GTF2F2: variants seen among roughly 807,000 people sequenced by gnomAD.
GTF2F2 encodes the protein ATP-dependent helicase GTF2F2.
Under a neutral mutation model 42.2 loss-of-function variants are expected in GTF2F2, and 23 were observed. That is an observed-to-expected ratio of 0.55 (90% CI 0.39 to 0.77). The LOEUF is 0.77. Among genes scored for constraint, GTF2F2 ranks in the 30% least tolerant of loss-of-function variants. The pLI, the probability that GTF2F2 is intolerant of heterozygous loss-of-function variation, is 0.00. For synonymous variants in GTF2F2, 105 were observed against 100.8 expected, an observed-to-expected ratio of 1.04 and a Z score of -0.25; for missense variants, 261 against 287.2, an observed-to-expected ratio of 0.91 and a Z score of 0.66.
At chr13:45,140,399 A>G (rs1261765676) in intron 2 of GTF2F2, among the ~76,000 whole-genome samples, 1 of 152,114 alleles carries the variant, frequency 6.6e-6, no homozygotes, top group Non-Finnish European at 1.5e-5. Flanking sequence ...CTGGCCTTTT[A>G]TTGGTCAGAA....
intron 2 of GTF2F2, among the ~76,000 whole-genome samples, chr13:45,138,598 C>T (rs542290981): frequency 3.3e-5 from 5 of 152,328 alleles, no homozygotes; most frequent in African/African-American, 1.2e-4. Context: ...TGATTATAAT[C>T]CATTTCAGAG....
chr13:45,213,226 CCGCCACCA>C (rs1178093550), intron 5 of GTF2F2, among the ~76,000 whole-genome samples: 1 of 149,912 alleles, frequency 6.7e-6, no homozygotes, highest in East Asian at 2.0e-4. Context: ...TTACAGGCAC[CCGCCACCA>C]CGCCCGGCTA....
chr13:45,193,999 G>A (rs771518022), intron 4 of GTF2F2: 17 of 1,613,800 alleles, frequency 1.1e-5, no homozygotes, highest in Admixed American at 1.7e-5. Context: ...GATATTTGAC[G>A]ATATTGAAAA....
rs377138794 is a variant in GTF2F2 at position 45,215,757 on chromosome 13, GA to G, written c.386+8267del. ...TGGGTGACAGAGCGGGACTCTGTCT[GA>G]AAAAAAAAAAAAAAGACTAAAACTG... On this transcript the variant is annotated intron_variant, in intron 5 of 7. Transcript: ENST00000340473. Among the ~76,000 whole-genome samples the G allele has an allele frequency of 4.6e-3, 566 of 122,054 alleles. 2 individuals are homozygous for G. The highest frequency in any genetic ancestry group is 8.7e-3 in the African/African-American group (285 of 32,710). The allele number at this position is 122,054 out of a possible 152,430, so 80.1% of individuals were successfully genotyped here.
intron 2 of GTF2F2, 82 bp from the exon 3 acceptor site, chr13:45,149,688 G>GTTT: frequency 8.6e-6 from 11 of 1,285,342 alleles, no homozygotes; most frequent in Admixed American, 3.1e-5. Context: ...TAAATATGAA[G>GTTT]TTTTTTTTTA....
intron 6 of GTF2F2, among the ~76,000 whole-genome samples, chr13:45,253,920 A>G (rs980675720): frequency 6.6e-6 from 1 of 152,266 alleles, no homozygotes; most frequent in East Asian, 1.9e-4. Context: ...TAAAAATACA[A>G]AAATTAGTCG....
intron 5 of GTF2F2, among the ~76,000 whole-genome samples, chr13:45,220,597 A>G (rs182080184): frequency 4.8e-4 from 73 of 152,278 alleles, no homozygotes; most frequent in African/African-American, 1.6e-3. Flanking sequence ...CAACCAAGGA[A>G]GGGATAAAAC....
chr13:45,270,332 T>A (rs781389854), intron 7 of GTF2F2, among the ~76,000 whole-genome samples: 136 of 152,324 alleles, frequency 8.9e-4, no homozygotes, highest in Admixed American at 1.6e-3. Flanking sequence ...AGTCTGTTTT[T>A]TGTTACTTAT....
In GTF2F2 at chr13:45,201,777, T is replaced by C. The variant is rs115007626; in HGVS notation, c.305-5647T>C. Among the ~76,000 whole-genome samples the C allele has an allele frequency of 4.1e-3, 622 of 152,248 alleles. 4 individuals are homozygous for C. The highest frequency in any genetic ancestry group is 0.015 in the African/African-American group (605 of 41,548). On this transcript the variant is annotated intron_variant, in intron 4 of 7. Transcript: ENST00000340473. ...CAAAAAAGGAGTGCGGGGGAGAATT[T>C]AGAAAGAATCCCATACTATTTCCCA...
At chr13:45,149,470 A>G (rs1870373861) in intron 2 of GTF2F2, among the ~76,000 whole-genome samples, 2 of 151,964 alleles carry the variant, frequency 1.3e-5, no homozygotes, top group South Asian at 4.1e-4. Context: ...AAAATGTAAA[A>G]AAGAAAAAAG....
chr13:45,279,053 C>T (rs1877151861), intron 7 of GTF2F2, among the ~76,000 whole-genome samples: 1 of 151,940 alleles, frequency 6.6e-6, no homozygotes, highest in Admixed American at 6.6e-5. Flanking sequence ...GAATTCCTGA[C>T]CTCAGGTGAT....
intron 7 of GTF2F2, among the ~76,000 whole-genome samples, chr13:45,270,264 G>A (rs957032257): frequency 6.6e-6 from 1 of 152,154 alleles, no homozygotes; most frequent in African/African-American, 2.4e-5. Context: ...AGGAGGCCAA[G>A]CTTTGGTAAC....
At chr13:45,187,869 GT>G (rs1181888993) in intron 4 of GTF2F2, among the ~76,000 whole-genome samples, 1 of 152,184 alleles carries the variant, frequency 6.6e-6, no homozygotes, top group Non-Finnish European at 1.5e-5. Context: ...AGATTGGCAT[GT>G]CTTTAAAATA....
chr13:45,252,880 A>T lies in GTF2F2; in HGVS notation c.396A>T (p.Ile132=), dbSNP rs375543064. The T allele has an allele frequency of 2.5e-5, 36 of 1,459,988 alleles. No individual in the cohort carries two copies. The highest frequency in any genetic ancestry group is 3.2e-5 in the Non-Finnish European group (35 of 1,085,322). The allele number at this position is 1,459,988 out of a possible 1,614,324, so 90.4% of individuals were successfully genotyped here. Residue 132 remains isoleucine (I), a synonymous_variant, in exon 6 of 8, where the codon ATA becomes ATT. Transcript: ENST00000340473. ...ENYMRLKRLQ[I]EESSKPVRLS... ...TTATATTTTTTTTCAGATTGCAAATAGAAGAGTCTTCCAAACCAGTGAGGC... is the reference window on the plus strand; with the variant it reads ...TTATATTTTTTTTCAGATTGCAAATTGAAGAGTCTTCCAAACCAGTGAGGC...
intron 1 of GTF2F2, among the ~76,000 whole-genome samples, chr13:45,133,021 TG>T (rs1869442779): frequency 6.6e-6 from 1 of 152,060 alleles, no homozygotes; most frequent in African/African-American, 2.4e-5. Context: ...GGTGCAAGTG[TG>T]GCAGAGAAGA....
At chr13:45,148,114 G>A (rs1027792476) in intron 2 of GTF2F2, among the ~76,000 whole-genome samples, 1 of 152,178 alleles carries the variant, frequency 6.6e-6, no homozygotes, top group African/African-American at 2.4e-5. Context: ...ATAATAGAAT[G>A]AGTGATTAAC....
rs149508688 is a variant in GTF2F2 at position 45,139,853 on chromosome 13, C to G, written c.140+3047C>G. ...GGACAAGTACAGTTGTCCCTCAGTA[C>G]CTGCAGGAGATTGGTGTCTGGCATG... On this transcript the variant is annotated intron_variant, in intron 2 of 7. Transcript: ENST00000340473. Among the ~76,000 whole-genome samples the G allele has an allele frequency of 4.1e-3, 627 of 152,264 alleles. 2 individuals carry two copies. The highest frequency in any genetic ancestry group is 0.017 in the Middle Eastern group (5 of 294).
intron 2 of GTF2F2, among the ~76,000 whole-genome samples, chr13:45,143,839 A>C (rs1472870286): frequency 6.6e-6 from 1 of 152,228 alleles, no homozygotes; most frequent in African/African-American, 2.4e-5. Context: ...GCTTGTTCTG[A>C]CAGTTGGTAA....
intron 7 of GTF2F2, among the ~76,000 whole-genome samples, chr13:45,280,498 T>A (rs976424252): frequency 6.6e-6 from 1 of 152,180 alleles, no homozygotes; most frequent in Non-Finnish European, 1.5e-5. Flanking sequence ...GTTTAGAACA[T>A]CCTAAAAATC....
Sources: allele counts gnomAD v4.1 joint callset (sites outside exome capture counted in the v4.1 genomes callset), GRCh38; gene constraint gnomAD v4.1.1; transcripts MANE v1.5; gene names NCBI Gene and HGNC (gene_info 2026-07-23, HGNC 2026-07-21).